The following GRK5 variants were observed in gnomAD, a reference collection of about 807,000 sequenced individuals.
GRK5 encodes the protein g protein-coupled receptor kinase GRK5.
Under a neutral mutation model 78.4 loss-of-function variants are expected in GRK5, and 40 were observed. The observed-to-expected ratio is 0.51, with a 90% CI of 0.40 to 0.66. The LOEUF is 0.66. Ranked by LOEUF, GRK5 falls within the 30% of genes least tolerant of loss-of-function variation. The pLI is 0.00. For missense variants in GRK5, 598 were observed against 759.9 expected (o/e 0.79, Z 2.50); for synonymous variants, 289 against 296.8 (o/e 0.97, Z 0.27).
At chr10:119,276,529 T>A (rs1849672801) in intron 1 of GRK5, among the ~76,000 whole-genome samples, 1 of 152,196 alleles carries the variant, frequency 6.6e-6, no homozygotes, top group Non-Finnish European at 1.5e-5. Context: ...GTTCCAAGTC[T>A]TTGCTATTGT....
chr10:119,208,725 T>C (rs1227012928), intron 1 of GRK5: 1 of 152,168 alleles, frequency 6.6e-6, no homozygotes, highest in Non-Finnish European at 1.5e-5. Context: ...GCAGGAAATA[T>C]TGTCTAAATG....
At chr10:119,410,548 AC>A (rs1368540210) in intron 4 of GRK5, among the ~76,000 whole-genome samples, 1 of 151,642 alleles carries the variant, frequency 6.6e-6, no homozygotes, top group Non-Finnish European at 1.5e-5. Flanking sequence ...GGCTGGAACC[AC>A]CCCCGACGCT....
intron 1 of GRK5, among the ~76,000 whole-genome samples, chr10:119,219,044 C>T (rs764684197): frequency 1.3e-5 from 2 of 150,978 alleles, no homozygotes; most frequent in Non-Finnish European, 2.9e-5. Context: ...ACTACAGGCA[C>T]GTGCTGGGAT....
rs1415187098 is a variant in GRK5, at chr10:119,207,985, G to A, written c.52+16G>A. The A allele has an allele frequency of 1.2e-6, 2 of 1,600,790 alleles. No homozygotes were observed. The highest frequency in any genetic ancestry group is 1.1e-5 in the South Asian group (1 of 89,560). On this transcript the variant is annotated intron_variant, in intron 1 of 15. Transcript: ENST00000392870. ...GCCAGGGAAGGTAAGAGGCAGGGCC[G>A]GTACGTGCCCGGCGCGTCCGCCGCG... is the stretch of plus-strand genomic sequence containing the variant.
At chr10:119,305,534 C>T (rs1243606430) in intron 1 of GRK5, among the ~76,000 whole-genome samples, 2 of 152,140 alleles carry the variant, frequency 1.3e-5, no homozygotes, top group African/African-American at 2.4e-5. Context: ...TTTTTCAAAG[C>T]CAGACACTGA....
intron 2 of GRK5, among the ~76,000 whole-genome samples, chr10:119,351,320 G>C (rs143763772): frequency 6.6e-6 from 1 of 152,156 alleles, no homozygotes; most frequent in Non-Finnish European, 1.5e-5. Flanking sequence ...CCCAAGTCTC[G>C]TCTTGAATCG....
chr10:119,285,497 T>A (rs962879348), intron 1 of GRK5, among the ~76,000 whole-genome samples: 2 of 152,148 alleles, frequency 1.3e-5, no homozygotes, highest in African/African-American at 4.8e-5. Flanking sequence ...CCCGGGGAAG[T>A]GTTCCATTGC....
chr10:119,412,429 A>G lies in GRK5; in HGVS notation c.340-10737A>G, dbSNP rs757737379. Among the ~76,000 whole-genome samples the G allele has an allele frequency of 6.6e-6, 1 of 152,162 alleles. No homozygotes were observed. Among genetic ancestry groups the G allele is most frequent in the African/African-American group, 2.4e-5 (1 of 41,450 alleles). The stretch of plus-strand genomic sequence containing the variant: ...GCTGCTGGATGTTGGCATCAGGCCC[A>G]GGGTGGAGGGAGGGACAGGCCACGA... On this transcript the variant is annotated intron_variant, in intron 4 of 15. Transcript: ENST00000392870. The surrounding 1 kb of genome is among the most constrained non-coding windows in gnomAD (Gnocchi z 4.3).
At chr10:119,210,248 C>T (rs1484086981) in intron 1 of GRK5, among the ~76,000 whole-genome samples, 2 of 152,116 alleles carry the variant, frequency 1.3e-5, no homozygotes, top group Admixed American at 6.6e-5. Flanking sequence ...TGGAGAGGGC[C>T]TGCGGAAGCA....
chr10:119,345,652 C>G (rs917529150), intron 2 of GRK5, among the ~76,000 whole-genome samples: 42 of 152,132 alleles, frequency 2.8e-4, no homozygotes, highest in African/African-American at 8.9e-4. Context: ...CTTGACACTC[C>G]TAGCAGATAT....
At chr10:119,394,852 C>CCCTATAAA (rs1589785136) in intron 3 of GRK5, among the ~76,000 whole-genome samples, 1 of 147,858 alleles carries the variant, frequency 6.8e-6, no homozygotes, top group African/African-American at 2.6e-5. Flanking sequence ...CGTGTGTGTG[C>CCCTATAAA]ACACATGTGC....
intron 1 of GRK5, among the ~76,000 whole-genome samples, chr10:119,284,898 A>C (rs1162993974): frequency 6.6e-6 from 1 of 152,164 alleles, no homozygotes; most frequent in Non-Finnish European, 1.5e-5. Context: ...GGCTCTGCAG[A>C]GCACAGGCAT....
intron 1 of GRK5, among the ~76,000 whole-genome samples, chr10:119,315,846 G>A (rs1036617039): frequency 1.3e-5 from 2 of 152,178 alleles, no homozygotes; most frequent in African/African-American, 4.8e-5. Flanking sequence ...TGCGTTGAGA[G>A]CAGCTTCTCC....
At chr10:119,444,290 AGGGATAGT>A (rs527392777) in intron 12 of GRK5, among the ~76,000 whole-genome samples, 8 of 152,170 alleles carry the variant, frequency 5.3e-5, no homozygotes, top group Admixed American at 2.0e-4. Flanking sequence ...GACAGGGTCT[AGGGATAGT>A]GAGGTCAGAC....
rs1851335003 is a variant in GRK5 at position 119,360,079 on chromosome 10, G to C, written c.149-20736G>C. On this transcript the variant is annotated intron_variant, in intron 2 of 15. Transcript: ENST00000392870. ...ACTGAGGGAGGTGGAGGGAGGTTGA[G>C]GAGATAGGGGGAGGCTGAGGAGGCC... Among the ~76,000 whole-genome samples, 6 of 150,558 alleles carry C rather than the reference G, an allele frequency of 4.0e-5. No homozygotes were observed. In the South Asian group the frequency reaches 1.3e-3, roughly 32 times the overall value.
chr10:119,351,225 T>G (rs1410305958), intron 2 of GRK5, among the ~76,000 whole-genome samples: 1 of 152,208 alleles, frequency 6.6e-6, no homozygotes, highest in Non-Finnish European at 1.5e-5. Context: ...GAGGGGCAGT[T>G]AATTACAACC....
chr10:119,448,276 C>A lies in GRK5; in HGVS notation c.1404+16C>A. ...CGTTCCAGACGTGAGTAGCCTCCCC[C>A]AGCCCCCAGCAGCTCCCTTCACAGG... On this transcript the variant is annotated intron_variant, in intron 13 of 15. Coordinates refer to ENST00000392870, the MANE Select transcript of GRK5 (RefSeq NM_005308.3). 1 of 1,579,134 alleles carries A rather than the reference C, an allele frequency of 6.3e-7. No individual in the cohort carries two copies. Among genetic ancestry groups the A allele is most frequent in the Non-Finnish European group, 8.6e-7 (1 of 1,166,922 alleles).
intron 1 of GRK5, among the ~76,000 whole-genome samples, chr10:119,219,700 G>C (rs1341742737): frequency 6.6e-6 from 1 of 152,128 alleles, no homozygotes; most frequent in Non-Finnish European, 1.5e-5. Context: ...AAAAATGTTT[G>C]GCAAACTCCC....
intron 4 of GRK5, among the ~76,000 whole-genome samples, chr10:119,400,972 G>A (rs767318859): frequency 5.3e-5 from 8 of 152,198 alleles, no homozygotes; most frequent in African/African-American, 1.2e-4. Context: ...ACCTGCTCTC[G>A]GCAGAGGCAG....
Sources: gnomAD v4.1 joint callset for allele counts (sites outside exome capture counted in the v4.1 genomes callset) on GRCh38, gnomAD v4.1.1 for gene constraint, Gnocchi (gnomAD v3.1) non-coding constraint, MANE v1.5 for transcripts, NCBI Gene and HGNC (gene_info 2026-07-23, HGNC 2026-07-21) for gene names.